TMEM132D: variants seen among roughly 807,000 people sequenced by gnomAD.
TMEM132D encodes transmembrane protein 132D, also known as mature OL transmembrane protein.
A neutral mutation model predicts 62.3 loss-of-function variants in TMEM132D; 21 were observed. That is an observed-to-expected ratio of 0.34 (90% CI 0.24 to 0.49). TMEM132D has a LOEUF of 0.49. TMEM132D is among the 20% of genes least tolerant of loss of function. The pLI is 0.99. For synonymous variants in TMEM132D, 621 were observed against 575.6 expected (o/e 1.08, Z -1.13); for missense variants, 1,346 against 1,402.8 (o/e 0.96, Z 0.65).
chr12:129,122,641 A>G (rs1338018886), intron 5 of TMEM132D, among the ~76,000 whole-genome samples: 1 of 152,226 alleles, frequency 6.6e-6, no homozygotes, highest in African/African-American at 2.4e-5. Context: ...GCTCCCTGTG[A>G]AATTGGAAGT....
intron 1 of TMEM132D, among the ~76,000 whole-genome samples, chr12:129,718,393 G>GC (rs1251304496): frequency 6.6e-6 from 1 of 152,200 alleles, no homozygotes; most frequent in African/African-American, 2.4e-5. Context: ...ACGAGCTGAC[G>GC]CCTAACAAAA....
At chr12:129,327,546 C>T (rs1428249797) in intron 4 of TMEM132D, among the ~76,000 whole-genome samples, 1 of 152,242 alleles carries the variant, frequency 6.6e-6, no homozygotes, top group Non-Finnish European at 1.5e-5. Context: ...TTTATATCAT[C>T]TCGGAAAGTT....
chr12:129,523,652 A>C (rs1271816896), intron 3 of TMEM132D, among the ~76,000 whole-genome samples: 30 of 152,180 alleles, frequency 2.0e-4, no homozygotes, highest in Admixed American at 2.0e-3. Context: ...GAAGATATTA[A>C]ATACCAGATA....
chr12:129,129,227 T>C (rs1876300511), intron 5 of TMEM132D, among the ~76,000 whole-genome samples: 1 of 151,728 alleles, frequency 6.6e-6, no homozygotes, highest in Non-Finnish European at 1.5e-5. Flanking sequence ...CCCTTATAAG[T>C]GAGAACATGA....
intron 1 of TMEM132D, among the ~76,000 whole-genome samples, chr12:129,794,898 A>C (rs1593164416): frequency 6.6e-6 from 1 of 152,162 alleles, no homozygotes; most frequent in Admixed American, 6.5e-5. Context: ...AGACATGCAC[A>C]TATATGCATT....
chr12:129,464,742 T>G (rs190648983), intron 3 of TMEM132D, among the ~76,000 whole-genome samples: 155 of 152,340 alleles, frequency 1.0e-3, no homozygotes, highest in African/African-American at 3.5e-3. Context: ...CTTTCCTCAT[T>G]GCTTGTTTTT....
intron 5 of TMEM132D, among the ~76,000 whole-genome samples, chr12:129,098,636 C>A (rs1033032428): frequency 6.6e-6 from 1 of 152,114 alleles, no homozygotes; most frequent in Admixed American, 6.5e-5. Context: ...GGGAGGTGAA[C>A]GTATGTGGTA....
At chr12:129,132,962 T>C (rs1254762270) in intron 5 of TMEM132D, among the ~76,000 whole-genome samples, 1 of 152,142 alleles carries the variant, frequency 6.6e-6, no homozygotes, top group Non-Finnish European at 1.5e-5. Context: ...GCATTCAGAA[T>C]GTTCATGCAG....
rs142682645 is a variant in TMEM132D at position 129,662,611 on chromosome 12, G to A, written c.968+37199C>T. Among the ~76,000 whole-genome samples the A allele has an allele frequency of 5.0e-3, 756 of 152,134 alleles. 4 individuals carry two copies. Among genetic ancestry groups the A allele is most frequent in the African/African-American group, 0.017 (696 of 41,504 alleles). On this transcript the variant is annotated intron_variant, in intron 2 of 8. Transcript: ENST00000422113. ...AGATCAAGACCATCCTGGCCAACAC[G>A]GTGAAACCCCATCTCTACTGATAAT...
chr12:129,330,193 C>T (rs1869059198), intron 4 of TMEM132D, among the ~76,000 whole-genome samples: 1 of 152,150 alleles, frequency 6.6e-6, no homozygotes, highest in African/African-American at 2.4e-5. Flanking sequence ...GGTGGAGGGT[C>T]AGGCCAAGAA....
rs1287779643 is a variant in TMEM132D, at chr12:129,796,748, A to T, written c.80-96050T>A. 2.6e-5 allele frequency among the ~76,000 whole-genome samples: 4 copies of T among 152,206 alleles called. No individual in the cohort carries two copies. The South Asian group carries it at 8.3e-4, about 32-fold the overall frequency. On this transcript the variant is annotated intron_variant, in intron 1 of 8. Coordinates refer to ENST00000422113, the MANE Select transcript of TMEM132D (RefSeq NM_133448.3). ...CTGTTGGAGGGTGGGGAGTAAGGGG[A>T]GGGGTAGCATTAGGAGAAATACCTG...
intron 5 of TMEM132D, among the ~76,000 whole-genome samples, chr12:129,194,132 T>C (rs1878482138): frequency 6.6e-6 from 1 of 152,208 alleles, no homozygotes; most frequent in Non-Finnish European, 1.5e-5. Flanking sequence ...TCATTTAAGC[T>C]GATAAAGAAT....
At chr12:129,114,386 CTCCT>C (rs144038257) in intron 5 of TMEM132D, among the ~76,000 whole-genome samples, 2 of 145,722 alleles carry the variant, frequency 1.4e-5, no homozygotes, top group African/African-American at 5.0e-5. Context: ...CAGTTGGAAA[CTCCT>C]TCCTTCCTTC....
Position 129,205,387 on chromosome 12 carries a change from A to C in TMEM132D, c.1443+4133T>G, listed in dbSNP as rs573299532. On this transcript the variant is annotated intron_variant, in intron 5 of 8. Transcript: ENST00000422113. ...CAATCCTAATTTCAGAAAAAAAAAA[A>C]AAAAACTGACTTTAAACCAACAAAG... is the stretch of plus-strand genomic sequence containing the variant. Among the ~76,000 whole-genome samples, 13 of 151,252 alleles carry C rather than the reference A, an allele frequency of 8.6e-5. No individual in the cohort carries two copies. In the East Asian group the frequency reaches 1.2e-3, roughly 13 times the overall value.
intron 1 of TMEM132D, among the ~76,000 whole-genome samples, chr12:129,756,891 G>A (rs150560682): frequency 2.0e-5 from 3 of 152,210 alleles, no homozygotes; most frequent in Non-Finnish European, 2.9e-5. Context: ...GGAAGGTTGC[G>A]CCCTGATGTT....
chr12:129,642,920 C>CTTTTTT (rs71082742), intron 2 of TMEM132D, among the ~76,000 whole-genome samples: 19 of 105,554 alleles, frequency 1.8e-4, no homozygotes, highest in Non-Finnish European at 2.3e-4. Flanking sequence ...ATTTACAAAT[C>CTTTTTT]TTTTTTTTTT....
chr12:129,368,223 A>G (rs1870485113), intron 3 of TMEM132D, among the ~76,000 whole-genome samples: 1 of 151,116 alleles, frequency 6.6e-6, no homozygotes, highest in Non-Finnish European at 1.5e-5. Flanking sequence ...TAAAACTCCA[A>G]CTGAAGATCT....
intron 3 of TMEM132D, among the ~76,000 whole-genome samples, chr12:129,523,996 T>G (rs1055445011): frequency 1.1e-4 from 17 of 152,094 alleles, no homozygotes; most frequent in Admixed American, 1.0e-3. Context: ...ATACTTCACC[T>G]GAACTTGCAT....
intron 2 of TMEM132D, among the ~76,000 whole-genome samples, chr12:129,631,786 C>G (rs577831222): frequency 6.6e-6 from 1 of 152,228 alleles, no homozygotes; most frequent in Non-Finnish European, 1.5e-5. Flanking sequence ...GATTGACAAC[C>G]AGAGGGATAC....
Sources: allele counts gnomAD v4.1 joint callset (sites outside exome capture counted in the v4.1 genomes callset), GRCh38; gene constraint gnomAD v4.1.1; transcripts MANE v1.5; gene names NCBI Gene and HGNC (gene_info 2026-07-23, HGNC 2026-07-21).